The following HRNR variants were observed in gnomAD, a reference collection of about 807,000 sequenced individuals.
HRNR encodes the protein hornerin.
A neutral mutation model predicts 4.8 loss-of-function variants in HRNR; 7 were observed. The observed-to-expected ratio is 1.47, with a 90% CI of 0.83 to 2.75. The LOEUF is 2.75. Among genes scored for constraint, HRNR ranks in the 30% most tolerant of loss-of-function variants. The pLI is 0.00. For synonymous variants in HRNR, 1,023 were observed against 1,242.7 expected (o/e 0.82, Z 3.72); for missense variants, 2,879 against 3,010.4 (o/e 0.96, Z 1.02).
At position 152,219,027 on chromosome 1, in the gene HRNR, C is replaced by T. The variant is rs1440736697; in HGVS notation, c.2602G>A (p.Gly868Ser). ...TGATGGGAGGCAGACTCATGCTGACCATAGCTGGAAGATTGACCTGAGCTA... is the reference window on the plus strand; with the variant it reads ...TGATGGGAGGCAGACTCATGCTGACTATAGCTGGAAGATTGACCTGAGCTA... Reference protein sequence around the residue: ...DSSSGQSSSYGQHESASHHAS... With the variant: ...DSSSGQSSSYSQHESASHHAS... Residue 868 changes from glycine (G) to serine (S), a missense_variant, in exon 3 of 3, where the codon GGT becomes AGT. Around this residue, in one of 8 missense-constraint regions of HRNR, gnomAD observed 2,646 missense variants for 1,377.7 expected, o/e 1.92. Coordinates refer to ENST00000368801, the MANE Select transcript of HRNR (RefSeq NM_001009931.3). The T allele has an allele frequency of 4.3e-6, 7 of 1,613,986 alleles. No individual in the cohort carries two copies. In the East Asian group the frequency reaches 6.7e-5, roughly 15 times the overall value.
rs199677800 is a variant in HRNR at position 152,218,893 on chromosome 1, G to A, written c.2736C>T (p.Gly912=). 133 of 1,613,246 alleles carry A rather than the reference G, an allele frequency of 8.2e-5. No homozygotes were observed. Among genetic ancestry groups the A allele is most frequent in the Non-Finnish European group, 1.1e-4 (125 of 1,179,820 alleles). The change falls in exon 3 of 3, where the codon GGC becomes GGT. Residue 912 remains glycine (G), a synonymous_variant. Transcript: ENST00000368801. ...GGCCACTGCTGGAAGACCGACCGGA[G>A]CCAGACCCATGTCGGCCATAGCTGG... ...QSPSYGRHGS[G]SGRSSSSGRH... is the part of the protein sequence containing the mutation.
chr1:152,223,930 TAAGGGAAGCGACCTCAAAGA>T (rs1275523684), intron 1 of HRNR, among the ~76,000 whole-genome samples, 193 bp downstream of exon 1: 1 of 152,208 alleles, frequency 6.6e-6, no homozygotes. Context: ...ATCCATGTTA[TAAGGGAAGCGACCTCAAAGA>T]AAGGAGATAA....
In HRNR at chr1:152,219,766, C is replaced by T. The variant is rs191905873; in HGVS notation, c.1863G>A (p.Ser621=). The T allele has an allele frequency of 2.9e-4, 469 of 1,612,912 alleles. 8 individuals are homozygous for T. The Admixed American group carries it at 6.5e-3, about 22-fold the overall frequency. Reference sequence around the variant, plus strand: ...AGGTAGCTCCATGTTGGCCACAGCTCGATGACTGTCCTGATGTAGAACCAT... The same window carrying T: ...AGGTAGCTCCATGTTGGCCACAGCTTGATGACTGTCCTGATGTAGAACCAT... ...GQHGSTSGQS[S]SCGQHGATSG... Residue 621 remains serine, a synonymous_variant, in exon 3 of 3, where the codon TCG becomes TCA. Coordinates refer to ENST00000368801, the MANE Select transcript of HRNR (RefSeq NM_001009931.3).
intron 2 of HRNR, 88 bp downstream of exon 2, chr1:152,223,028 C>G: frequency 5.2e-6 from 7 of 1,351,274 alleles, no homozygotes; most frequent in Non-Finnish European, 6.3e-6. Context: ...GGACAATCCT[C>G]TAGGATGTTT....
chr1:152,222,539 CAAT>C (rs1649032935), intron 2 of HRNR, among the ~76,000 whole-genome samples: 1 of 151,906 alleles, frequency 6.6e-6, no homozygotes, highest in African/African-American at 2.4e-5. Flanking sequence ...GAGAGAGAGA[CAAT>C]AAAAAATGAC....
At position 152,223,096 on chromosome 1, in the gene HRNR, T is replaced by C; in HGVS notation, c.138+20A>G. On this transcript the variant is annotated intron_variant, in intron 2 of 2. Coordinates refer to ENST00000368801, the MANE Select transcript of HRNR (RefSeq NM_001009931.3). The stretch of plus-strand genomic sequence containing the variant: ...AGAAGAAAATTCCTGCATAACTCCA[T>C]CCTGGCGTGGAGTTCTTACCTTCAG... The C allele has an allele frequency of 2.5e-6, 4 of 1,610,704 alleles. No homozygotes were observed. The highest frequency in any genetic ancestry group is 1.1e-5 in the South Asian group (1 of 90,496).
chr1:152,220,249 G>C lies in HRNR; in HGVS notation c.1380C>G (p.Gly460=). 6.2e-7 allele frequency: 1 copy of C among 1,613,782 alleles called. No homozygotes were observed. Among genetic ancestry groups the C allele is most frequent in the Non-Finnish European group, 8.5e-7 (1 of 1,179,952 alleles). The change falls in exon 3 of 3, where the codon GGC becomes GGG. Residue 460 remains glycine, a synonymous_variant. Coordinates refer to ENST00000368801, the MANE Select transcript of HRNR (RefSeq NM_001009931.3). ...CGTGGTGACCAAAGCCAGAAGAGTA[G>C]CCTGAACCAGACACATATGGGCCAC... ...SSSGPYVSGS[G]YSSGFGHHES...
At position 152,220,155 on chromosome 1, in the gene HRNR, C is replaced by T. The variant is rs6587647; in HGVS notation, c.1474G>A (p.Gly492Arg). Residue 492 changes from glycine to arginine, a missense_variant, in exon 3 of 3, where the codon GGA (glycine) becomes AGA (arginine). Coordinates refer to ENST00000368801, the MANE Select transcript of HRNR (RefSeq NM_001009931.3). ...GSGSGHSSGH[G>R]QHGSRSGQSS... ...TGTCCTGACCTAGAGCCGTGTTGTCCGTGGCCGGAGGAGTGACCTGAGCCA... is the reference window on the plus strand; with the variant it reads ...TGTCCTGACCTAGAGCCGTGTTGTCTGTGGCCGGAGGAGTGACCTGAGCCA... 1,267,359 of 1,613,616 alleles carry T rather than the reference C, an allele frequency of 0.79. 509,120 individuals carry two copies. The highest frequency in any genetic ancestry group is 0.84 in the Non-Finnish European group (992,845 of 1,179,820).
chr1:152,220,336 A>C lies in HRNR; in HGVS notation c.1293T>G (p.Ser431=). ...CGGAGCTGGGAGACTGCCCTGACCCAGACCCACGCTGGCCGTGGCCTGGAG... is the reference window on the plus strand; with the variant it reads ...CGGAGCTGGGAGACTGCCCTGACCCCGACCCACGCTGGCCGTGGCCTGGAG... The part of the protein sequence containing the change: ...GQSPGHGQRG[S]GSGQSPSSGQ... Residue 431 remains serine (S), a synonymous_variant, in exon 3 of 3, where the codon TCT becomes TCG. Transcript: ENST00000368801. 6.2e-7 allele frequency: 1 copy of C among 1,613,246 alleles called. No homozygotes were observed. The highest frequency in any genetic ancestry group is 8.5e-7 in the Non-Finnish European group (1 of 1,179,704).
At position 152,218,119 on chromosome 1, in the gene HRNR, GTGGTGA is replaced by G. The variant is rs1648722387; in HGVS notation, c.3504_3509del (p.His1169_His1170del). 1.4e-6 allele frequency: 1 copy of G among 701,094 alleles called. No individual in the cohort carries two copies. Among genetic ancestry groups the G allele is most frequent in the African/African-American group, 2.8e-5 (1 of 36,252 alleles). The allele number at this position is 701,094 out of a possible 1,614,324, so 43.4% of individuals were successfully genotyped here. On this transcript the variant is annotated inframe_deletion, in exon 3 of 3. Transcript: ENST00000368801. ...TAGAGGACTGCCCTGAGCTAGACTC[GTGGTGA>G]CCAAAGCCAGAAGACTCGCCTAAGC...
chr1:152,213,044 C>A lies in HRNR; in HGVS notation c.*32G>T, dbSNP rs772247470. 5 of 1,582,370 alleles carry A rather than the reference C, an allele frequency of 3.2e-6. No individual in the cohort carries two copies. Among genetic ancestry groups the A allele is most frequent in the African/African-American group, 1.4e-5 (1 of 73,734 alleles). On this transcript the variant is annotated 3_prime_UTR_variant, in exon 3 of 3. Coordinates refer to ENST00000368801, the MANE Select transcript of HRNR (RefSeq NM_001009931.3). ...GATGACTTTCCTATTTCTTAAATTG[C>A]TACTTGAGTAAATTGCATTTATGTT...
Position 152,223,299 on chromosome 1 carries a change from G to T in HRNR, c.-25-21C>A, listed in dbSNP as rs201032154. 44 of 1,459,102 alleles carry T rather than the reference G, an allele frequency of 3.0e-5. No homozygotes were observed. In the East Asian group the frequency reaches 1.0e-3, roughly 33 times the overall value. The allele number at this position is 1,459,102 out of a possible 1,614,324, so 90.4% of individuals were successfully genotyped here. On this transcript the variant is annotated intron_variant, in intron 1 of 2. Coordinates refer to ENST00000368801, the MANE Select transcript of HRNR (RefSeq NM_001009931.3). ...GTAACCTAAAGGGAGGAAAAAGAGA[G>T]ACCAACCCCTTACTATTCTTATTTC...
chr1:152,220,121 CT>C lies in HRNR; in HGVS notation c.1507del (p.Arg503GlyfsTer82), dbSNP rs1557845471. 1.9e-6 allele frequency: 3 copies of C among 1,613,402 alleles called. No individual in the cohort carries two copies. The highest frequency in any genetic ancestry group is 1.1e-5 in the South Asian group (1 of 91,028). The part of the protein sequence containing the change: ...QHGSRSGQSS[R>X]GERQGSSAGS... ...TGCACTAGATCCTTGTCGTTCACCCCTAGATGACTGTCCTGACCTAGAGCCG... is the reference window on the plus strand; with the variant it reads ...TGCACTAGATCCTTGTCGTTCACCCCAGATGACTGTCCTGACCTAGAGCCG... On this transcript the variant is annotated frameshift_variant, in exon 3 of 3. Coordinates refer to ENST00000368801, the MANE Select transcript of HRNR (RefSeq NM_001009931.3). LOFTEE classifies it low-confidence loss of function (END_TRUNC).
In HRNR at chr1:152,223,197, G is replaced by T. The variant is rs1220124081; in HGVS notation, c.57C>A (p.Ala19=). The part of the protein sequence containing the change: ...ITVIDVFYQY[A]TQHGEYDTLN... ...ACGTATCATACTCCCCATGCTGGGTGGCATATTGGTAGAAAACATCGATGA... is the reference window on the plus strand; with the variant it reads ...ACGTATCATACTCCCCATGCTGGGTTGCATATTGGTAGAAAACATCGATGA... Residue 19 remains alanine (A), a synonymous_variant, in exon 2 of 3, where the codon GCC becomes GCA. Coordinates refer to ENST00000368801, the MANE Select transcript of HRNR (RefSeq NM_001009931.3). 1 of 1,613,546 alleles carries T rather than the reference G, an allele frequency of 6.2e-7. No individual in the cohort carries two copies. The highest frequency in any genetic ancestry group is 1.7e-5 in the Admixed American group (1 of 60,002).
rs201853812 is a variant in HRNR at position 152,218,514 on chromosome 1, G to T, written c.3115C>A (p.Pro1039Thr). ...SGSGWSSSRG[P>T]YESGSGHSSG... ...GAGTGACCGGAGCCAGACTCATATG[G>T]GCCACGGCTTGAAGACCACCCTGAG... The change falls in exon 3 of 3, where the codon CCA becomes ACA. Residue 1039 changes from proline to threonine, a missense_variant. Pro to Thr is a conservative substitution (Grantham distance 38). Transcript: ENST00000368801. 1.9e-4 allele frequency: 305 copies of T among 1,613,650 alleles called. No homozygotes were observed. The highest frequency in any genetic ancestry group is 2.4e-4 in the Non-Finnish European group (280 of 1,179,972).
chr1:152,219,995 C>T lies in HRNR; in HGVS notation c.1634G>A (p.Arg545His), dbSNP rs146592977. ...CCTGGAACCAGACTCATGTCGGCCA[C>T]GGCTAGGGCTAGGAGACTGGCCAGA... ...SGSGQSPSPS[R>H]GRHESGSRQS... Residue 545 changes from arginine (R) to histidine (H), a missense_variant, in exon 3 of 3, where the codon CGT becomes CAT. Transcript: ENST00000368801. The T allele has an allele frequency of 5.0e-3, 8,104 of 1,612,628 alleles. 55 individuals are homozygous for T. Among genetic ancestry groups the T allele is most frequent in the Non-Finnish European group, 4.6e-3 (5,415 of 1,179,556 alleles).
chr1:152,219,277 A>G lies in HRNR; in HGVS notation c.2352T>C (p.Ser784=), dbSNP rs762868612. The G allele has an allele frequency of 1.9e-6, 3 of 1,607,356 alleles. No homozygotes were observed. Among genetic ancestry groups the G allele is most frequent in the Non-Finnish European group, 2.5e-6 (3 of 1,177,926 alleles). Reference sequence around the variant, plus strand: ...GGCCGTGGCTGGAGGAGTGCCCTGAACTGGACCCATGTCGGACACGGCTAG... The same window carrying G: ...GGCCGTGGCTGGAGGAGTGCCCTGAGCTGGACCCATGTCGGACACGGCTAG... The part of the protein sequence containing the change: ...HSPSRVRHGS[S]SGHSSSHGQH... Residue 784 remains serine, a synonymous_variant, in exon 3 of 3, where the codon AGT becomes AGC. Transcript: ENST00000368801.
At position 152,221,173 on chromosome 1, in the gene HRNR, A is replaced by G; in HGVS notation, c.456T>C (p.Thr152=). 1 of 1,614,240 alleles carries G rather than the reference A, an allele frequency of 6.2e-7. No homozygotes were observed. Among genetic ancestry groups the G allele is most frequent in the Non-Finnish European group, 8.5e-7 (1 of 1,180,034 alleles). ...AACTCAGTCTTCTGGATATGGATTCAGTCCCAGGTTTAAGACTTCCTCTGA... is the reference window on the plus strand; with the variant it reads ...AACTCAGTCTTCTGGATATGGATTCGGTCCCAGGTTTAAGACTTCCTCTGA... ...RNVRGSLKPG[T]ESISRRLSFQ... The change falls in exon 3 of 3, where the codon ACT becomes ACC. Residue 152 remains threonine, a synonymous_variant. Transcript: ENST00000368801.
intron 1 of HRNR, 101 bp from the exon 2 acceptor site, chr1:152,223,379 C>T (rs200939304): frequency 3.3e-5 from 2 of 60,022 alleles, no homozygotes; most frequent in East Asian, 1.4e-4. Context: ...CAGAATTAGT[C>T]AGTCATGATT....
Sources: allele counts gnomAD v4.1 joint callset (sites outside exome capture counted in the v4.1 genomes callset), GRCh38; gene constraint gnomAD v4.1.1; regional missense constraint gnomAD v4.1.1; transcripts MANE v1.5; gene names NCBI Gene and HGNC (gene_info 2026-07-23, HGNC 2026-07-21).